The following STAG1 variants were observed in gnomAD, a reference collection of about 807,000 sequenced individuals.
STAG1 encodes cohesin subunit SA-1.
Under a neutral mutation model 170.9 loss-of-function variants are expected in STAG1, and 26 were observed. The ratio of observed to expected loss-of-function variants is 0.15; its 90% CI spans 0.11 to 0.21. The LOEUF (loss-of-function observed/expected upper bound fraction) is 0.21, where lower values mean the gene tolerates loss of function less well. Ranked by LOEUF, STAG1 falls within the 10% of genes least tolerant of loss-of-function variation. STAG1 has a pLI of 1.00. For synonymous variants in STAG1, 514 were observed against 497.7 expected (o/e 1.03, Z -0.44); for missense variants, 964 against 1,509.5 (o/e 0.64, Z 5.99).
At chr3:136,722,375 T>C (rs1933333764) in intron 1 of STAG1, among the ~76,000 whole-genome samples, 2 of 152,330 alleles carry the variant, frequency 1.3e-5, no homozygotes, top group Admixed American at 6.5e-5. Context: ...GTGATGTCTA[T>C]GTGGTCTCAT....
rs754074305 is a variant in STAG1, at chr3:136,712,813, G to A, written c.-84+39382C>T. 2.9e-4 allele frequency among the ~76,000 whole-genome samples: 44 copies of A among 152,198 alleles called. No individual in the cohort carries two copies. The East Asian group carries it at 3.1e-3, about 11-fold the overall frequency. On this transcript the variant is annotated intron_variant, in intron 1 of 33. Transcript: ENST00000383202. ...TGCATTAAAAAACACATATGAGGCC[G>A]GGCACGGTGGCTCATGCCTGTAATC...
At chr3:136,710,412 G>A (rs977512662) in intron 1 of STAG1, among the ~76,000 whole-genome samples, 5 of 151,896 alleles carry the variant, frequency 3.3e-5, no homozygotes, top group Non-Finnish European at 5.9e-5. Flanking sequence ...CTATTACAGT[G>A]CTCCAATTCC....
At chr3:136,678,654 G>A (rs2107883966) in intron 1 of STAG1, among the ~76,000 whole-genome samples, 1 of 151,754 alleles carries the variant, frequency 6.6e-6, no homozygotes, top group African/African-American at 2.4e-5. Flanking sequence ...TATTTCAACA[G>A]TGGTAATGAA....
chr3:136,719,665 AGGTGGGTGGGTG>A (rs1358167719), intron 1 of STAG1, among the ~76,000 whole-genome samples: 8 of 12,816 alleles, frequency 6.2e-4, no homozygotes, highest in Non-Finnish European at 1.1e-3. Context: ...GTGGGTGGGT[AGGTGGGTGGGTG>A]GGTGGGTGGG....
At chr3:136,355,765 A>G (rs965077730) in intron 28 of STAG1, among the ~76,000 whole-genome samples, 2 of 151,832 alleles carry the variant, frequency 1.3e-5, no homozygotes, top group African/African-American at 4.8e-5. Flanking sequence ...GAAATCAGTA[A>G]GAGAAGGAAA....
intron 3 of STAG1, among the ~76,000 whole-genome samples, chr3:136,618,387 A>G (rs1939691798): frequency 6.6e-6 from 1 of 152,204 alleles, no homozygotes; most frequent in Non-Finnish European, 1.5e-5. Context: ...CCATTGTTCC[A>G]TCTGTAAGGG....
chr3:136,453,030 T>C (rs894162403), intron 13 of STAG1, among the ~76,000 whole-genome samples: 1 of 152,138 alleles, frequency 6.6e-6, no homozygotes, highest in African/African-American at 2.4e-5. Context: ...CCTCAAGTGA[T>C]ACCCCTGCCT....
At chr3:136,729,795 T>A (rs748238165) in intron 1 of STAG1, among the ~76,000 whole-genome samples, 15 of 151,340 alleles carry the variant, frequency 9.9e-5, no homozygotes, top group Middle Eastern at 3.4e-3. Context: ...GCCAGGCTAG[T>A]CTTGAACTCC....
In STAG1 at chr3:136,473,520, TATC is replaced by T. The variant is rs771271142; in HGVS notation, c.1125+16_1125+18del. On this transcript the variant is annotated intron_variant, in intron 11 of 33. Transcript: ENST00000383202. ...TGTAAAGAGAAAAATTAAATAAGCT[TATC>T]ATTCTTGATGCTTACCTTGAATCGG... 7.8e-6 allele frequency: 12 copies of T among 1,544,688 alleles called. No homozygotes were observed. Among genetic ancestry groups the T allele is most frequent in the Non-Finnish European group, 8.0e-6 (9 of 1,126,060 alleles).
At chr3:136,452,435 G>C (rs1433155091) in intron 13 of STAG1, among the ~76,000 whole-genome samples, 1 of 151,760 alleles carries the variant, frequency 6.6e-6, no homozygotes, top group Non-Finnish European at 1.5e-5. Flanking sequence ...ATGGTGGCGG[G>C]CACCTGTAGT....
intron 1 of STAG1, among the ~76,000 whole-genome samples, chr3:136,658,938 C>T (rs1417270994): frequency 6.6e-6 from 1 of 152,168 alleles, no homozygotes; most frequent in Non-Finnish European, 1.5e-5. Flanking sequence ...CATCCAAATA[C>T]CCCTAAGAAT....
chr3:136,628,190 C>T (rs1292461363), intron 2 of STAG1, among the ~76,000 whole-genome samples: 1 of 152,054 alleles, frequency 6.6e-6, no homozygotes, highest in African/African-American at 2.4e-5. Flanking sequence ...CACTCCCCCA[C>T]TTCTCTCTCT....
intron 23 of STAG1, among the ~76,000 whole-genome samples, chr3:136,371,131 G>A (rs1399302242): frequency 3.9e-5 from 6 of 152,134 alleles, no homozygotes; most frequent in Non-Finnish European, 8.8e-5. Context: ...ATTTTTTCAT[G>A]TGTTTTTTGG....
chr3:136,551,250 A>G (rs1244145389), intron 5 of STAG1, among the ~76,000 whole-genome samples: 6 of 141,158 alleles, frequency 4.3e-5, no homozygotes, highest in South Asian at 2.3e-4. Flanking sequence ...AGAGAGAGAG[A>G]GAGAGAGAGA....
At chr3:136,424,515 G>T (rs34282798) in intron 16 of STAG1, among the ~76,000 whole-genome samples, 1 of 151,364 alleles carries the variant, frequency 6.6e-6, no homozygotes, top group Non-Finnish European at 1.5e-5. Context: ...TTGTATTTTT[G>T]GTAGAGACGG....
chr3:136,750,974 G>T (rs1378813443), intron 1 of STAG1, among the ~76,000 whole-genome samples: 1 of 152,082 alleles, frequency 6.6e-6, no homozygotes, highest in African/African-American at 2.4e-5. Context: ...CTTAAAACAC[G>T]AGGAAAACTA....
At chr3:136,735,766 C>G (rs891681070) in intron 1 of STAG1, among the ~76,000 whole-genome samples, 2 of 152,096 alleles carry the variant, frequency 1.3e-5, no homozygotes, top group Admixed American at 1.3e-4. Flanking sequence ...GGGTTCGCCA[C>G]CACGCCCAGC....
intron 13 of STAG1, among the ~76,000 whole-genome samples, chr3:136,458,329 A>G (rs542441316): frequency 6.6e-6 from 1 of 152,028 alleles, no homozygotes; most frequent in Non-Finnish European, 1.5e-5. Flanking sequence ...GCTGATTTTT[A>G]TATTTTTAGC....
intron 22 of STAG1, among the ~76,000 whole-genome samples, chr3:136,385,769 A>G (rs1207244480): frequency 1.3e-5 from 2 of 152,132 alleles, no homozygotes; most frequent in African/African-American, 4.8e-5. Flanking sequence ...TGGCACAATC[A>G]TAGCTCAATG....
Sources: allele counts gnomAD v4.1 joint callset (sites outside exome capture counted in the v4.1 genomes callset), GRCh38; gene constraint gnomAD v4.1.1; transcripts MANE v1.5; gene names NCBI Gene and HGNC (gene_info 2026-07-23, HGNC 2026-07-21).